The following RNFT2 variants were observed in gnomAD, a reference collection of about 807,000 sequenced individuals.
RNFT2 encodes the protein E3 ubiquitin-protein ligase RNFT2.
In RNFT2, 36 loss-of-function variants were observed where a neutral mutation model predicts 53.0. The ratio of observed to expected loss-of-function variants is 0.68; its 90% CI spans 0.52 to 0.90. The LOEUF is 0.90. Among genes scored for constraint, RNFT2 ranks in the 40% least tolerant of loss-of-function variants. The pLI is 0.00. For missense variants in RNFT2, 514 were observed against 585.6 expected, an observed-to-expected ratio of 0.88 and a Z score of 1.26; for synonymous variants, 260 against 253.2, an observed-to-expected ratio of 1.03 and a Z score of -0.26.
chr12:116,793,456 G>C (rs1874349206), intron 7 of RNFT2, among the ~76,000 whole-genome samples: 1 of 152,084 alleles, frequency 6.6e-6, no homozygotes, highest in Non-Finnish European at 1.5e-5. Flanking sequence ...CCAGAGTGCT[G>C]GGATTACAGG....
chr12:116,760,611 C>A (rs1024213497), intron 5 of RNFT2, among the ~76,000 whole-genome samples: 1 of 152,218 alleles, frequency 6.6e-6, no homozygotes, highest in Non-Finnish European at 1.5e-5. Flanking sequence ...CCTTCAGCTT[C>A]CCCCGTGAGG....
chr12:116,832,150 T>A lies in RNFT2; in HGVS notation c.883-1642T>A, dbSNP rs200815684. 9.7e-3 allele frequency among the ~76,000 whole-genome samples: 1,110 copies of A among 114,112 alleles called. 16 individuals are homozygous for A. Among genetic ancestry groups the A allele is most frequent in the African/African-American group, 0.037 (979 of 26,254 alleles). 74.9% of individuals were successfully genotyped at this position (114,112 alleles called of 152,430 possible). A position where few individuals can be genotyped will look rare whatever the true frequency, so the allele number is the denominator to read the frequency against. ...TGTCTCAAAAAAAAAAAAAAAAAAA[T>A]ATATATATATATATATATATCTTTC... On this transcript the variant is annotated intron_variant, in intron 7 of 10. Transcript: ENST00000257575.
intron 3 of RNFT2, among the ~76,000 whole-genome samples, chr12:116,749,314 G>A (rs1204266620): frequency 1.6e-5 from 2 of 126,378 alleles, no homozygotes; most frequent in Non-Finnish European, 3.1e-5. Flanking sequence ...CAGGCTCTCT[G>A]TCGCCCAGGC....
intron 10 of RNFT2, among the ~76,000 whole-genome samples, chr12:116,845,799 A>G (rs1877583491): frequency 6.6e-6 from 1 of 151,884 alleles, no homozygotes; most frequent in South Asian, 2.1e-4. Context: ...CCTTTCCCCA[A>G]TCCCTCTCTC....
In RNFT2 at chr12:116,836,262, C is replaced by A; in HGVS notation, c.1180C>A (p.Pro394Thr). The A allele has an allele frequency of 6.3e-7, 1 of 1,578,766 alleles. No individual in the cohort carries two copies. The highest frequency in any genetic ancestry group is 8.6e-7 in the Non-Finnish European group (1 of 1,162,338). Reference protein sequence around the residue: ...CAICQAEFREPLILLCQHVFC... With the variant: ...CAICQAEFRETLILLCQHVFC... ...CATCTGTCAGGCCGAGTTCCGAGAG[C>A]CTCTGATTCTCCTGTGCCAGGTGAG... The change falls in exon 10 of 11, where the codon CCT becomes ACT. Residue 394 changes from proline (P) to threonine (T), a missense_variant. Transcript: ENST00000257575.
intron 3 of RNFT2, among the ~76,000 whole-genome samples, chr12:116,749,127 A>C (rs1426642207): frequency 6.6e-6 from 1 of 152,168 alleles, no homozygotes; most frequent in Non-Finnish European, 1.5e-5. Flanking sequence ...GAAATTTCTT[A>C]TAACAAATTC....
At position 116,749,845 on chromosome 12, in the gene RNFT2, C is replaced by G. The variant is rs1371628502; in HGVS notation, c.88C>G (p.Arg30Gly). The G allele has an allele frequency of 3.2e-6, 5 of 1,572,762 alleles. No homozygotes were observed. The Admixed American group carries it at 9.3e-5, about 29-fold the overall frequency. ...NTDNIPPERN[R>G]SQALSSEASV... The stretch of plus-strand genomic sequence containing the variant: ...TTCTCTCCCCTTGGCACCCAGAAAC[C>G]GCAGCCAGGCGCTCAGCTCCGAGGC... Residue 30 changes from arginine (R) to glycine (G), a missense_variant, in exon 4 of 11, where the codon CGC becomes GGC. Transcript: ENST00000257575.
rs1382563179 is a variant in RNFT2, at chr12:116,851,960, G to A, written c.*2512G>A. 2.0e-6 allele frequency: 3 copies of A among 1,518,966 alleles called. No individual in the cohort carries two copies. The South Asian group carries it at 3.7e-5, about 19-fold the overall frequency. 94.1% of individuals were successfully genotyped at this position (1,518,966 alleles called of 1,614,324 possible). ...CCTCTGGTAGCCTTCAGAGCAAACA[G>A]GACAACCTATGTTATGGATGTTTCC... On this transcript the variant is annotated 3_prime_UTR_variant, in exon 11 of 11. Coordinates refer to ENST00000257575, the MANE Select transcript of RNFT2 (RefSeq NM_001382266.1).
rs930195482 is a variant in RNFT2, at chr12:116,853,398, A to G, written c.*3950A>G. On this transcript the variant is annotated 3_prime_UTR_variant, in exon 11 of 11. Coordinates refer to ENST00000257575, the MANE Select transcript of RNFT2 (RefSeq NM_001382266.1). ...AATAATAAATGTGAGGGAATAAGAA[A>G]GGCAAGCTTTGGACACAGATATGAT... 1.0e-5 allele frequency: 4 copies of G among 389,376 alleles called. No individual in the cohort carries two copies. In the South Asian group the frequency reaches 5.8e-4, roughly 56 times the overall value. 24.1% of individuals were successfully genotyped at this position (389,376 alleles called of 1,614,324 possible). A position where few individuals can be genotyped will look rare whatever the true frequency, so the allele number is the denominator to read the frequency against.
At chr12:116,800,489 C>T (rs1324181354) in intron 7 of RNFT2, among the ~76,000 whole-genome samples, 5 of 151,994 alleles carry the variant, frequency 3.3e-5, no homozygotes, top group Non-Finnish European at 7.4e-5. Flanking sequence ...AAAAATCAGC[C>T]GGGCATGGTG....
chr12:116,750,801 ATATATATAATATATATAT>A (rs1322450031), intron 4 of RNFT2, among the ~76,000 whole-genome samples: 1 of 24,236 alleles, frequency 4.1e-5, no homozygotes, highest in African/African-American at 1.6e-4. Flanking sequence ...GTGTGTGTAT[ATATATATAATATATATAT>A]TATATATATA....
intron 4 of RNFT2, among the ~76,000 whole-genome samples, chr12:116,753,449 C>T (rs930186753): frequency 3.3e-5 from 5 of 152,116 alleles, no homozygotes; most frequent in African/African-American, 4.8e-5. Context: ...CTGCACCCAG[C>T]GGTGAGTTTT....
intron 7 of RNFT2, among the ~76,000 whole-genome samples, chr12:116,811,041 A>C (rs187550090): frequency 7.9e-5 from 12 of 152,204 alleles, no homozygotes; most frequent in African/African-American, 2.9e-4. Flanking sequence ...CATTTCCATC[A>C]GTATCACTTC....
chr12:116,740,594 G>C (rs762455790), intron 2 of RNFT2, 73 bp downstream of exon 2: 1 of 1,378,372 alleles, frequency 7.3e-7, no homozygotes, highest in Non-Finnish European at 1.0e-6. Flanking sequence ...GGAAGTTTTG[G>C]TTTGACCACT....
At chr12:116,771,723 A>G (rs1267814878) in intron 6 of RNFT2, among the ~76,000 whole-genome samples, 1 of 152,064 alleles carries the variant, frequency 6.6e-6, no homozygotes, top group African/African-American at 2.4e-5. Context: ...CTTCTGTGAC[A>G]TTGACTCAGA....
intron 4 of RNFT2, among the ~76,000 whole-genome samples, chr12:116,750,899 T>TA (rs1258043077): frequency 9.8e-5 from 1 of 10,212 alleles, no homozygotes; most frequent in African/African-American, 3.1e-4. Context: ...ATAATATATA[T>TA]ATATATATAT....
In RNFT2 at chr12:116,760,846, C is replaced by T. The variant is rs114750191; in HGVS notation, c.628-5968C>T. On this transcript the variant is annotated intron_variant, in intron 5 of 10. Transcript: ENST00000257575. Reference sequence around the variant, plus strand: ...CTGGAGCTGCAATCTAGTCCTGCCTCCCATCCGCCATGATCTCACCAAAAC... The same window carrying T: ...CTGGAGCTGCAATCTAGTCCTGCCTTCCATCCGCCATGATCTCACCAAAAC... Among the ~76,000 whole-genome samples, 364 of 152,264 alleles carry T rather than the reference C, an allele frequency of 2.4e-3. 3 individuals are homozygous for T. Among genetic ancestry groups the T allele is most frequent in the African/African-American group, 8.6e-3 (356 of 41,550 alleles).
chr12:116,777,853 G>A (rs1482432880), intron 6 of RNFT2, among the ~76,000 whole-genome samples: 1 of 152,172 alleles, frequency 6.6e-6, no homozygotes, highest in Non-Finnish European at 1.5e-5. Context: ...CTGGATTCAA[G>A]TTCAAGTCTG....
intron 6 of RNFT2, among the ~76,000 whole-genome samples, chr12:116,774,267 G>A (rs1275054557): frequency 2.0e-5 from 3 of 152,164 alleles, no homozygotes; most frequent in Admixed American, 2.0e-4. Flanking sequence ...TCATTGAACT[G>A]TGCGCGTAAA....
Sources: gnomAD v4.1 joint callset for allele counts (sites outside exome capture counted in the v4.1 genomes callset) on GRCh38, gnomAD v4.1.1 for gene constraint, MANE v1.5 for transcripts, NCBI Gene and HGNC (gene_info 2026-07-23, HGNC 2026-07-21) for gene names.